Variants in NFX1 observed in about 807,000 individuals in gnomAD.
NFX1 encodes the protein transcriptional repressor NF-X1.
Under a neutral mutation model 137.2 loss-of-function variants are expected in NFX1, and 69 were observed. The observed-to-expected ratio is 0.50, with a 90% CI of 0.41 to 0.61. NFX1 has a LOEUF of 0.61. Among genes scored for constraint, NFX1 ranks in the 20% least tolerant of loss-of-function variants. The pLI is 0.00. For synonymous variants in NFX1, 495 were observed against 474.1 expected (o/e 1.04, Z -0.57); for missense variants, 1,167 against 1,391.0 (o/e 0.84, Z 2.56).
intron 10 of NFX1, among the ~76,000 whole-genome samples, chr9:33,328,996 A>C (rs887701528): frequency 2.6e-5 from 4 of 152,224 alleles, no homozygotes; most frequent in African/African-American, 9.6e-5. Flanking sequence ...GTGGTCCCTA[A>C]GACCACCTGC....
At chr9:33,313,433 A>AAAAAAC in intron 6 of NFX1, among the ~76,000 whole-genome samples, 1 of 152,046 alleles carries the variant, frequency 6.6e-6, no homozygotes, top group Admixed American at 6.6e-5. Flanking sequence ...TATTTAAAAA[A>AAAAAAC]AAAAACAAAA....
chr9:33,292,941 T>A (rs1379408476), intron 1 of NFX1, among the ~76,000 whole-genome samples: 1 of 152,228 alleles, frequency 6.6e-6, no homozygotes, highest in East Asian at 1.9e-4. Context: ...TCTGCCACCC[T>A]CTGCATTTGT....
rs369679175 is a variant in NFX1 at position 33,354,014 on chromosome 9, C to T, written c.2730-72C>T. 167 of 1,397,896 alleles carry T rather than the reference C, an allele frequency of 1.2e-4. 2 individuals are homozygous for T. In the African/African-American group the frequency reaches 2.2e-3, roughly 18 times the overall value. The allele number at this position is 1,397,896 out of a possible 1,614,324, so 86.6% of individuals were successfully genotyped here. A position where few individuals can be genotyped will look rare whatever the true frequency, so the allele number is the denominator to read the frequency against. On this transcript the variant is annotated intron_variant, in intron 17 of 23. Coordinates refer to ENST00000379540, the MANE Select transcript of NFX1 (RefSeq NM_002504.6). The stretch of plus-strand genomic sequence containing the variant: ...CTAGATTTGCTTTTAAAGAGGTCTT[C>T]TGTATCCCAAGTATAAGGAGGTTCT...
intron 7 of NFX1, among the ~76,000 whole-genome samples, chr9:33,317,221 C>A (rs139177803): frequency 1.1e-3 from 168 of 151,456 alleles, no homozygotes; most frequent in Middle Eastern, 3.4e-3. Flanking sequence ...GAGTTTGAGA[C>A]CAGCTTGGGC....
intron 9 of NFX1, among the ~76,000 whole-genome samples, chr9:33,327,243 C>G (rs1822627714): frequency 1.3e-5 from 2 of 152,096 alleles, no homozygotes; most frequent in South Asian, 4.1e-4. Flanking sequence ...TGGGCTGATC[C>G]CGAACTCCTA....
At chr9:33,360,889 C>G (rs765453746) in intron 19 of NFX1, among the ~76,000 whole-genome samples, 2 of 152,136 alleles carry the variant, frequency 1.3e-5, no homozygotes, top group African/African-American at 2.4e-5. Context: ...GTAAGTGACT[C>G]TTGGTGCAGT....
At chr9:33,313,065 G>A (rs1289988627) in intron 6 of NFX1, among the ~76,000 whole-genome samples, 1 of 152,094 alleles carries the variant, frequency 6.6e-6, no homozygotes, top group East Asian at 1.9e-4. Context: ...GTACATGATA[G>A]CTGTCCTCCC....
At chr9:33,301,146 A>G (rs917556867) in intron 2 of NFX1, 117 bp from the exon 3 acceptor site, 12 of 959,154 alleles carry the variant, frequency 1.3e-5, no homozygotes, top group African/African-American at 5.0e-5. Context: ...GATATCCCTT[A>G]AAATCTCTGT....
intron 3 of NFX1, among the ~76,000 whole-genome samples, chr9:33,302,933 G>A (rs532582366): frequency 5.4e-5 from 8 of 149,250 alleles, no homozygotes; most frequent in Non-Finnish European, 8.9e-5. Context: ...TTCACAAAGC[G>A]CTGGGATTAT....
Position 33,352,549 on chromosome 9 carries a change from T to C in NFX1, c.2656-97T>C, listed in dbSNP as rs1823674101. ...GAGTGGCCACCCACTGACTCTCTAG[T>C]CTCTGCTATGGTTTAAGAGAGGATT... On this transcript the variant is annotated intron_variant, in intron 16 of 23. Coordinates refer to ENST00000379540, the MANE Select transcript of NFX1 (RefSeq NM_002504.6). 8 of 1,041,996 alleles carry C rather than the reference T, an allele frequency of 7.7e-6. No homozygotes were observed. In the South Asian group the frequency reaches 9.0e-5, roughly 12 times the overall value. The allele number at this position is 1,041,996 out of a possible 1,614,324, so 64.5% of individuals were successfully genotyped here.
chr9:33,324,328 G>A (rs1402395006), intron 9 of NFX1, among the ~76,000 whole-genome samples: 2 of 152,098 alleles, frequency 1.3e-5, no homozygotes, highest in African/African-American at 4.8e-5. Context: ...GCAGTGAGCC[G>A]AGATCGCACC....
Position 33,294,962 on chromosome 9 carries a change from T to C in NFX1, c.568T>C (p.Cys190Arg), listed in dbSNP as rs1489953063. The C allele has an allele frequency of 1.9e-6, 3 of 1,614,058 alleles. No individual in the cohort carries two copies. Among genetic ancestry groups the C allele is most frequent in the Non-Finnish European group, 2.5e-6 (3 of 1,180,016 alleles). Residue 190 changes from cysteine to arginine, a missense_variant, in exon 2 of 24, where the codon TGT becomes CGT. Transcript: ENST00000379540. ...ACCAAAAGTCAAGGGGAAACTCAAATGTGAATGGAGTAACCGAACAACTCC... is the reference window on the plus strand; with the variant it reads ...ACCAAAAGTCAAGGGGAAACTCAAACGTGAATGGAGTAACCGAACAACTCC... ...RGPKVKGKLKCEWSNRTTPKP... is the reference protein window; with the variant it reads ...RGPKVKGKLKREWSNRTTPKP...
In NFX1 at chr9:33,367,169, C is replaced by G. The variant is rs544211067; in HGVS notation, c.3186-346C>G. Among the ~76,000 whole-genome samples, 4 of 152,272 alleles carry G rather than the reference C, an allele frequency of 2.6e-5. No homozygotes were observed. The South Asian group carries it at 8.3e-4, about 32-fold the overall frequency. ...ACAGAAAGAATGCTGGACTCTGGTT[C>G]GAGGCATCCCCTGTGAATGGTGTTT... On this transcript the variant is annotated intron_variant, in intron 22 of 23. Transcript: ENST00000379540.
chr9:33,338,456 G>A (rs1390215119), intron 11 of NFX1, 54 bp from the exon 12 acceptor site: 4 of 1,433,358 alleles, frequency 2.8e-6, no homozygotes, highest in East Asian at 2.3e-5. Context: ...TTTGTTGTAT[G>A]AATGTTCATA....
chr9:33,340,246 C>T (rs1823169384), intron 12 of NFX1, among the ~76,000 whole-genome samples: 1 of 152,232 alleles, frequency 6.6e-6, no homozygotes, highest in Non-Finnish European at 1.5e-5. Flanking sequence ...GCAGACGTTT[C>T]CAACCTCAGT....
chr9:33,298,192 G>A (rs929060272), intron 2 of NFX1, among the ~76,000 whole-genome samples: 1 of 152,204 alleles, frequency 6.6e-6, no homozygotes, highest in Non-Finnish European at 1.5e-5. Context: ...AGTGACAAGA[G>A]TGCTATTTTA....
At chr9:33,314,617 C>T (rs1425868312) in intron 7 of NFX1, among the ~76,000 whole-genome samples, 1 of 152,088 alleles carries the variant, frequency 6.6e-6, no homozygotes, top group African/African-American at 2.4e-5. Flanking sequence ...GCGGAGGTTG[C>T]AGTGAGCAGA....
intron 14 of NFX1, 40 bp downstream of exon 14, chr9:33,344,228 C>T: frequency 6.2e-7 from 1 of 1,611,354 alleles, no homozygotes; most frequent in Non-Finnish European, 8.5e-7. Context: ...CCTGCTCACA[C>T]CATGTCATTT....
At chr9:33,355,641 C>CTTTTTTTTTTT (rs35866452) in intron 19 of NFX1, among the ~76,000 whole-genome samples, 1 of 92,210 alleles carries the variant, frequency 1.1e-5, no homozygotes, top group Non-Finnish European at 2.1e-5. Flanking sequence ...GTTAAGAATT[C>CTTTTTTTTTTT]TTTTTTTTTT....
Sources: gnomAD v4.1 joint callset for allele counts (sites outside exome capture counted in the v4.1 genomes callset) on GRCh38, gnomAD v4.1.1 for gene constraint, MANE v1.5 for transcripts, NCBI Gene and HGNC (gene_info 2026-07-23, HGNC 2026-07-21) for gene names.